CNTNAP2: variants seen among roughly 807,000 people sequenced by gnomAD.
The protein encoded by CNTNAP2 is contactin-associated protein-like 2.
CNTNAP2 carries 98 observed loss-of-function variants against 155.2 expected under a neutral mutation model. The observed-to-expected ratio is 0.63, with a 90% CI of 0.54 to 0.75. CNTNAP2 has a LOEUF of 0.75. Among genes scored for constraint, CNTNAP2 ranks in the 30% least tolerant of loss-of-function variants. The probability of loss-of-function intolerance (pLI) is 0.00; values close to 1 mark genes in which losing one functional copy is unlikely to be tolerated. For missense variants in CNTNAP2, 1,727 were observed against 1,688.1 expected, an observed-to-expected ratio of 1.02 and a Z score of -0.40; for synonymous variants, 651 against 631.2, an observed-to-expected ratio of 1.03 and a Z score of -0.47.
chr7:146,885,797 T>C (rs763432080), intron 3 of CNTNAP2, among the ~76,000 whole-genome samples: 2 of 152,140 alleles, frequency 1.3e-5, no homozygotes, highest in African/African-American at 2.4e-5. Context: ...AACTGACTTA[T>C]CACTTGAAGT....
At chr7:147,164,390 G>T (rs1004077412) in intron 8 of CNTNAP2, among the ~76,000 whole-genome samples, 1 of 152,172 alleles carries the variant, frequency 6.6e-6, no homozygotes, top group Non-Finnish European at 1.5e-5. Context: ...GACTTGAAAA[G>T]ACTTATAGAA....
At chr7:146,922,826 T>G (rs1796532082) in intron 3 of CNTNAP2, among the ~76,000 whole-genome samples, 1 of 152,202 alleles carries the variant, frequency 6.6e-6, no homozygotes, top group Admixed American at 6.5e-5. Flanking sequence ...TTTCTATTAC[T>G]TAGAGCAGCA....
chr7:146,238,231 C>T (rs1232220034), intron 1 of CNTNAP2, among the ~76,000 whole-genome samples: 1 of 152,020 alleles, frequency 6.6e-6, no homozygotes, highest in Non-Finnish European at 1.5e-5. Context: ...TACAACTGGC[C>T]GTCTTTAGGA....
intron 3 of CNTNAP2, among the ~76,000 whole-genome samples, chr7:146,918,665 G>T (rs1429875551): frequency 6.6e-6 from 1 of 152,190 alleles, no homozygotes; most frequent in African/African-American, 2.4e-5. Context: ...CCTAGGCAGT[G>T]ATCCTTTTGC....
intron 21 of CNTNAP2, among the ~76,000 whole-genome samples, chr7:148,331,512 ATGGATGGATGGAATGG>A (rs1434333135): frequency 4.3e-5 from 2 of 47,020 alleles, no homozygotes; most frequent in African/African-American, 1.8e-4. Context: ...TGATGGATGG[ATGGATGGATGGAATGG>A]ATGGACGGAT....
chr7:146,875,967 A>C (rs868843398), intron 3 of CNTNAP2, among the ~76,000 whole-genome samples: 5 of 149,424 alleles, frequency 3.3e-5, no homozygotes, highest in Non-Finnish European at 6.0e-5. Context: ...AAAAACAAAA[A>C]ACAAAAAAAC....
chr7:147,224,772 CT>C (rs1284428218), intron 8 of CNTNAP2, among the ~76,000 whole-genome samples: 7 of 152,170 alleles, frequency 4.6e-5, no homozygotes, highest in African/African-American at 1.2e-4. Flanking sequence ...TGTTTCCCCC[CT>C]CTCTATATAT....
At chr7:148,039,820 C>T (rs1802636984) in intron 15 of CNTNAP2, among the ~76,000 whole-genome samples, 1 of 152,190 alleles carries the variant, frequency 6.6e-6, no homozygotes, top group South Asian at 2.1e-4. Context: ...GCCAAAGTAA[C>T]AGGATTGAGG....
intron 1 of CNTNAP2, among the ~76,000 whole-genome samples, chr7:146,318,090 A>C (rs922113775): frequency 6.6e-6 from 1 of 151,926 alleles, no homozygotes; most frequent in Non-Finnish European, 1.5e-5. Flanking sequence ...GCAGTGAGCC[A>C]AGATCGCACC....
At chr7:147,858,249 G>T (rs1799075117) in intron 13 of CNTNAP2, among the ~76,000 whole-genome samples, 1 of 152,092 alleles carries the variant, frequency 6.6e-6, no homozygotes, top group Non-Finnish European at 1.5e-5. Flanking sequence ...ACCATGCCCA[G>T]CTAACTTTTG....
chr7:146,229,756 G>T (rs1799354823), intron 1 of CNTNAP2, among the ~76,000 whole-genome samples: 1 of 151,564 alleles, frequency 6.6e-6, no homozygotes, highest in South Asian at 2.1e-4. Flanking sequence ...TCTCAATTTA[G>T]AAATAAAAAT....
At chr7:147,737,996 C>G (rs1015740110) in intron 13 of CNTNAP2, among the ~76,000 whole-genome samples, 2 of 152,238 alleles carry the variant, frequency 1.3e-5, no homozygotes, top group African/African-American at 4.8e-5. Flanking sequence ...CCTGCTTCGG[C>G]TCATGCTCGG....
chr7:146,120,789 C>G (rs1476199232), intron 1 of CNTNAP2, among the ~76,000 whole-genome samples: 1 of 152,074 alleles, frequency 6.6e-6, no homozygotes, highest in African/African-American at 2.4e-5. Flanking sequence ...CTATAGTATT[C>G]AGTGTAATAA....
At position 147,322,195 on chromosome 7, in the gene CNTNAP2, T is replaced by C. The variant is rs551856288; in HGVS notation, c.1498+21905T>C. On this transcript the variant is annotated intron_variant, in intron 9 of 23. Transcript: ENST00000361727. ...CTCCCCTGAAATCTCATACAATGTT[T>C]ACGCATGTATCACCTCATTGGCTGG... Among the ~76,000 whole-genome samples, 32 of 152,322 alleles carry C rather than the reference T, an allele frequency of 2.1e-4. No individual in the cohort carries two copies. The South Asian group carries it at 5.2e-3, about 25-fold the overall frequency.
At chr7:147,349,763 G>A (rs777607643) in intron 9 of CNTNAP2, among the ~76,000 whole-genome samples, 5 of 151,718 alleles carry the variant, frequency 3.3e-5, no homozygotes, top group Admixed American at 1.3e-4. Context: ...CCTACCATTT[G>A]GTGAGTTTAA....
chr7:147,139,011 A>T (rs1584750225), intron 8 of CNTNAP2, among the ~76,000 whole-genome samples: 1 of 152,070 alleles, frequency 6.6e-6, no homozygotes, highest in South Asian at 2.1e-4. Flanking sequence ...TACTAAGAGA[A>T]TAAAAATGAA....
At chr7:146,747,280 CA>C (rs1411207360) in intron 1 of CNTNAP2, among the ~76,000 whole-genome samples, 1 of 152,086 alleles carries the variant, frequency 6.6e-6, no homozygotes, top group African/African-American at 2.4e-5. Context: ...TTTTGATCAT[CA>C]CTTTTCAGAG....
intron 3 of CNTNAP2, among the ~76,000 whole-genome samples, chr7:146,892,434 TCTC>T (rs763561761): frequency 7.2e-5 from 11 of 152,156 alleles, no homozygotes; most frequent in Non-Finnish European, 1.6e-4. Flanking sequence ...GAGACAGACT[TCTC>T]CTCTCAATGA....
intron 13 of CNTNAP2, among the ~76,000 whole-genome samples, chr7:147,702,425 G>A (rs780793469): frequency 3.3e-5 from 5 of 151,864 alleles, no homozygotes; most frequent in Non-Finnish European, 5.9e-5. Flanking sequence ...CCTATTTCTG[G>A]ACCAAAAATC....
Sources: gnomAD v4.1 joint callset for allele counts (sites outside exome capture counted in the v4.1 genomes callset) on GRCh38, gnomAD v4.1.1 for gene constraint, MANE v1.5 for transcripts, NCBI Gene and HGNC (gene_info 2026-07-23, HGNC 2026-07-21) for gene names.